The following NCAM2 variants were observed in gnomAD, a reference collection of about 807,000 sequenced individuals.
NCAM2 encodes N-CAM-2.
NCAM2 carries 30 observed loss-of-function variants against 98.1 expected under a neutral mutation model. That is an observed-to-expected ratio of 0.31 (90% CI 0.23 to 0.41). The LOEUF is 0.41. Among genes scored for constraint, NCAM2 ranks in the 10% least tolerant of loss-of-function variants. NCAM2 has a pLI of 1.00. For missense variants in NCAM2, 867 were observed against 1,005.8 expected (o/e 0.86, Z 1.87); for synonymous variants, 368 against 342.4 (o/e 1.07, Z -0.83).
chr21:21,167,255 A>G (rs533453883), intron 1 of NCAM2, among the ~76,000 whole-genome samples: 6 of 152,002 alleles, frequency 3.9e-5, no homozygotes, highest in Non-Finnish European at 7.4e-5. Context: ...ATTGTGCTTT[A>G]TTATCAGATC....
chr21:21,335,687 C>A, intron 7 of NCAM2, 22 bp downstream of exon 7: 2 of 1,561,130 alleles, frequency 1.3e-6, no homozygotes, highest in South Asian at 1.2e-5. Flanking sequence ...AGCATAGTGG[C>A]TAAAACTGTT....
chr21:21,231,748 A>G (rs1458338496), intron 1 of NCAM2, among the ~76,000 whole-genome samples: 4 of 151,428 alleles, frequency 2.6e-5, no homozygotes, highest in East Asian at 1.9e-4. Context: ...ACTGTTTCCA[A>G]CCAAACACAT....
chr21:21,476,622 T>C (rs1046942953), intron 14 of NCAM2, among the ~76,000 whole-genome samples: 1 of 152,048 alleles, frequency 6.6e-6, no homozygotes, highest in South Asian at 2.1e-4. Flanking sequence ...TAAAGGGAAA[T>C]TCAAATGTCA....
intron 1 of NCAM2, among the ~76,000 whole-genome samples, chr21:21,099,195 A>G (rs1421055622): frequency 1.3e-5 from 2 of 151,942 alleles, no homozygotes; most frequent in African/African-American, 4.8e-5. Context: ...GTTTTAGAAC[A>G]TAGAAAAGTA....
intron 4 of NCAM2, among the ~76,000 whole-genome samples, chr21:21,289,734 C>T (rs2073227021): frequency 6.6e-6 from 1 of 151,956 alleles, no homozygotes; most frequent in Admixed American, 6.6e-5. Flanking sequence ...CAAGTCAGCA[C>T]AGCCTTGATA....
At chr21:21,257,558 A>G (rs755237210) in intron 1 of NCAM2, among the ~76,000 whole-genome samples, 3 of 152,206 alleles carry the variant, frequency 2.0e-5, no homozygotes, top group Non-Finnish European at 4.4e-5. Flanking sequence ...ACTATCATGT[A>G]CAAGAAAGAC....
intron 1 of NCAM2, among the ~76,000 whole-genome samples, chr21:21,089,454 A>T (rs919990329): frequency 6.6e-6 from 1 of 152,184 alleles, no homozygotes; most frequent in East Asian, 1.9e-4. Context: ...ATCAAATTTT[A>T]AAAAACCACA....
chr21:21,324,491 C>T lies in NCAM2; in HGVS notation c.728C>T (p.Ser243Phe), dbSNP rs1360579692. The T allele has an allele frequency of 2.7e-5, 44 of 1,608,380 alleles. No homozygotes were observed. The highest frequency in any genetic ancestry group is 3.7e-5 in the Non-Finnish European group (44 of 1,175,130). ...TCAGGCTCTCCAGAACCCGCCATCT[C>T]CTGGTTCAGGTAGGTTATGCACCCC... is the stretch of plus-strand genomic sequence containing the variant. Reference protein sequence around the residue: ...RASGSPEPAISWFRNGKLIEE... With the variant: ...RASGSPEPAIFWFRNGKLIEE... Residue 243 changes from serine (S) to phenylalanine (F), a missense_variant, in exon 6 of 18, where the codon TCC becomes TTC. Ser to Phe is a radical substitution (Grantham distance 155). Around this residue, in one of 5 missense-constraint regions of NCAM2, gnomAD observed 447 missense variants for 495.7 expected, o/e 0.90. Transcript: ENST00000400546.
At chr21:21,199,758 CTTTA>C (rs2069139056) in intron 1 of NCAM2, among the ~76,000 whole-genome samples, 1 of 152,106 alleles carries the variant, frequency 6.6e-6, no homozygotes, top group Middle Eastern at 3.2e-3. Flanking sequence ...TTTGTAAAAA[CTTTA>C]TTAATGGAAG....
chr21:21,262,658 C>CAAAAAAAAAAAAAAAAAAA (rs33912324), intron 1 of NCAM2, among the ~76,000 whole-genome samples: 5 of 78,960 alleles, frequency 6.3e-5, no homozygotes, highest in East Asian at 9.8e-4. Context: ...AACAATCAGT[C>CAAAAAAAAAAAAAAAAAAA]AAAAAAAAAA....
In NCAM2 at chr21:21,352,946, C is replaced by T. The variant is rs532364767; in HGVS notation, c.1044+14412C>T. 1.6e-3 allele frequency among the ~76,000 whole-genome samples: 236 copies of T among 151,800 alleles called. 2 individuals are homozygous for T. Among genetic ancestry groups the T allele is most frequent in the African/African-American group, 5.3e-3 (219 of 41,430 alleles). On this transcript the variant is annotated intron_variant, in intron 8 of 17. Transcript: ENST00000400546. ...CCAGCCCACCACAACTTCCGCTTTT[C>T]GGGTTCAAGCAATTTTCCTGCCTCA...
intron 11 of NCAM2, among the ~76,000 whole-genome samples, chr21:21,426,453 A>G (rs562125700): frequency 6.6e-6 from 1 of 152,184 alleles, no homozygotes; most frequent in African/African-American, 2.4e-5. Flanking sequence ...CTGATTTATG[A>G]TAAAGAACAA....
At chr21:21,184,342 C>T (rs930723926) in intron 1 of NCAM2, among the ~76,000 whole-genome samples, 9 of 151,704 alleles carry the variant, frequency 5.9e-5, no homozygotes, top group Non-Finnish European at 1.2e-4. Context: ...AAAAAGTAAT[C>T]TTTTTATGAT....
Position 21,474,767 on chromosome 21 carries a change from C to T in NCAM2, c.1897-2524C>T, listed in dbSNP as rs114011617. ...CAGTGTCCTTGCCATACACCCCTTC[C>T]TTCCCATATATGTGTGTGTATACAC... On this transcript the variant is annotated intron_variant, in intron 14 of 17. Coordinates refer to ENST00000400546, the MANE Select transcript of NCAM2 (RefSeq NM_004540.5). Among the ~76,000 whole-genome samples the T allele has an allele frequency of 3.7e-3, 558 of 152,082 alleles. 5 individuals carry two copies. Among genetic ancestry groups the T allele is most frequent in the African/African-American group, 0.012 (500 of 41,510 alleles).
intron 5 of NCAM2, among the ~76,000 whole-genome samples, chr21:21,295,983 T>C (rs1245584538): frequency 6.6e-6 from 1 of 151,888 alleles, no homozygotes; most frequent in Non-Finnish European, 1.5e-5. Context: ...CTTATTGAGG[T>C]ATTGAAAATT....
chr21:21,472,192 C>T (rs988419867), intron 14 of NCAM2, among the ~76,000 whole-genome samples: 8 of 151,816 alleles, frequency 5.3e-5, no homozygotes, highest in Non-Finnish European at 1.5e-5. Flanking sequence ...AATACATTTC[C>T]TTAACTAAAA....
At chr21:21,275,456 AAAAT>A (rs1468469888) in intron 1 of NCAM2, among the ~76,000 whole-genome samples, 13 of 151,862 alleles carry the variant, frequency 8.6e-5, no homozygotes, top group African/African-American at 1.9e-4. Flanking sequence ...ATAAAAAATA[AAAAT>A]AAATAAAAAA....
chr21:21,407,511 T>C (rs2076765311), intron 9 of NCAM2, among the ~76,000 whole-genome samples: 1 of 152,190 alleles, frequency 6.6e-6, no homozygotes, highest in Non-Finnish European at 1.5e-5. Flanking sequence ...TAAATTACAC[T>C]ATTAAAATAC....
rs534928152 is a variant in NCAM2 at position 21,472,896 on chromosome 21, G to A, written c.1896+4113G>A. Among the ~76,000 whole-genome samples, 4 of 151,612 alleles carry A rather than the reference G, an allele frequency of 2.6e-5. No homozygotes were observed. In the East Asian group the frequency reaches 5.8e-4, roughly 22 times the overall value. On this transcript the variant is annotated intron_variant, in intron 14 of 17. Transcript: ENST00000400546. ...AATCTGTTATGATCATGGAAAAAGA[G>A]ATTTAAATTTAGAACTCGGCTAAAA...
Sources: allele counts gnomAD v4.1 joint callset (sites outside exome capture counted in the v4.1 genomes callset), GRCh38; gene constraint gnomAD v4.1.1; regional missense constraint gnomAD v4.1.1; transcripts MANE v1.5; gene names NCBI Gene and HGNC (gene_info 2026-07-23, HGNC 2026-07-21).